RARB: variants seen among roughly 807,000 people sequenced by gnomAD.
RARB encodes the protein retinoic acid receptor beta, also known as HBV-activated protein.
In RARB, 17 loss-of-function variants were observed where a neutral mutation model predicts 51.9. That is an observed-to-expected ratio of 0.33 (90% CI 0.22 to 0.49). The LOEUF is 0.49. RARB is among the 20% of genes least tolerant of loss of function. The pLI is 0.99. For synonymous variants in RARB, 215 were observed against 195.4 expected, an observed-to-expected ratio of 1.10 and a Z score of -0.84; for missense variants, 369 against 550.8, an observed-to-expected ratio of 0.67 and a Z score of 3.30.
intron 3 of RARB, among the ~76,000 whole-genome samples, chr3:25,508,370 T>C (rs1422466587): frequency 6.6e-6 from 1 of 152,210 alleles, no homozygotes; most frequent in East Asian, 1.9e-4. Flanking sequence ...TGTTGCTCTG[T>C]GTTTCTCTCA....
At chr3:25,281,990 C>T (rs568992121) in intron 5 of RARB, among the ~76,000 whole-genome samples, 1 of 152,276 alleles carries the variant, frequency 6.6e-6, no homozygotes, top group Non-Finnish European at 1.5e-5. Flanking sequence ...ATTAATGAGG[C>T]ACTGTCTTTG....
Position 24,923,500 on chromosome 3 carries a change from C to CT in RARB, c.-380+64758dup, listed in dbSNP as rs541704020. On this transcript the variant is annotated intron_variant, in intron 2 of 11. Coordinates refer to the RARB transcript ENST00000383772. ...TATATAGGCACTCTTCTTTCTTTTT[C>CT]TTTTTTTTTTCTTTTCTATTTTGAA... Among the ~76,000 whole-genome samples the CT allele has an allele frequency of 9.0e-4, 135 of 149,226 alleles. 1 individual carries two copies. The South Asian group carries it at 9.2e-3, about 10-fold the overall frequency.
intron 3 of RARB, among the ~76,000 whole-genome samples, chr3:25,557,706 G>A (rs572099243): frequency 6.6e-6 from 1 of 152,102 alleles, no homozygotes; most frequent in African/African-American, 2.4e-5. Flanking sequence ...CTACTTCAGT[G>A]GTCCCTATAC....
rs571469873 is a variant in RARB, at chr3:25,057,224, A to G, written c.-379-2901A>G. 2.6e-5 allele frequency among the ~76,000 whole-genome samples: 4 copies of G among 152,086 alleles called. No homozygotes were observed. In the South Asian group the frequency reaches 8.3e-4, roughly 31 times the overall value. ...CACAAACCAGCCCGTGTTGGCAGTC[A>G]TAAGCCAGTCAGGAATAGAAACTTA... On this transcript the variant is annotated intron_variant, in intron 2 of 11. Coordinates refer to the RARB transcript ENST00000383772.
rs557064312 is a variant in RARB, at chr3:24,898,632, A to G, written c.-380+39880A>G. Reference sequence around the variant, plus strand: ...ATTTGGGGTGAATACTTTTTCTTCTACTTTTCTATTTTATATATCAATTGT... The same window carrying G: ...ATTTGGGGTGAATACTTTTTCTTCTGCTTTTCTATTTTATATATCAATTGT... On this transcript the variant is annotated intron_variant, in intron 2 of 11. Coordinates refer to the RARB transcript ENST00000383772. Among the ~76,000 whole-genome samples, 4 of 152,200 alleles carry G rather than the reference A, an allele frequency of 2.6e-5. No homozygotes were observed. The East Asian group carries it at 7.7e-4, about 29-fold the overall frequency.
At chr3:25,063,294 G>C (rs2125304739) in intron 3 of RARB, among the ~76,000 whole-genome samples, 1 of 152,048 alleles carries the variant, frequency 6.6e-6, no homozygotes, top group Non-Finnish European at 1.5e-5. Context: ...TGATTCTCTT[G>C]ATAAGAAAGG....
intron 5 of RARB, among the ~76,000 whole-genome samples, chr3:25,280,132 T>A (rs751525302): frequency 3.7e-4 from 56 of 152,146 alleles, no homozygotes; most frequent in Non-Finnish European, 4.4e-4. Flanking sequence ...AGTTGTGTAA[T>A]GTTGTGCTTA....
chr3:25,206,039 T>C (rs1559505227), intron 5 of RARB, among the ~76,000 whole-genome samples: 1 of 152,250 alleles, frequency 6.6e-6, no homozygotes, highest in African/African-American at 2.4e-5. Flanking sequence ...GCTTGGTAGA[T>C]TAGCTGTATG....
chr3:24,897,208 A>G (rs568498680), intron 2 of RARB, among the ~76,000 whole-genome samples: 2 of 152,284 alleles, frequency 1.3e-5, no homozygotes, highest in Admixed American at 1.3e-4. Context: ...CATAATTTCT[A>G]ACCTTAGGCG....
At chr3:25,208,378 A>G (rs992599947) in intron 5 of RARB, among the ~76,000 whole-genome samples, 1 of 152,206 alleles carries the variant, frequency 6.6e-6, no homozygotes, top group African/African-American at 2.4e-5. Context: ...AGACAGTAAA[A>G]TGCTGATTTC....
At chr3:25,306,423 A>T (rs535952328) in intron 5 of RARB, among the ~76,000 whole-genome samples, 2 of 152,292 alleles carry the variant, frequency 1.3e-5, no homozygotes, top group South Asian at 4.1e-4. Context: ...TTTTCTGTTT[A>T]CATGTAATGT....
chr3:25,581,886 C>T (rs1701192202), intron 5 of RARB, among the ~76,000 whole-genome samples: 1 of 152,098 alleles, frequency 6.6e-6, no homozygotes, highest in Admixed American at 6.5e-5. Flanking sequence ...GCCTCTAGAC[C>T]TAGGAGAAGC....
chr3:25,060,801 A>C (rs1390741711), intron 3 of RARB, among the ~76,000 whole-genome samples: 1 of 151,850 alleles, frequency 6.6e-6, no homozygotes, highest in Non-Finnish European at 1.5e-5. Flanking sequence ...TCATGAGTAG[A>C]GTGTGAGTAC....
intron 2 of RARB, among the ~76,000 whole-genome samples, chr3:24,878,238 TTGTA>T (rs1703086607): frequency 6.6e-6 from 1 of 151,852 alleles, no homozygotes. Context: ...TGTAGTTTCC[TTGTA>T]TGTCTCTTCC....
intron 2 of RARB, among the ~76,000 whole-genome samples, chr3:24,935,480 C>T (rs140360677): frequency 7.8e-4 from 119 of 152,206 alleles, no homozygotes; most frequent in African/African-American, 2.3e-3. Flanking sequence ...GTTGCTTCAA[C>T]CCTTGCTCAT....
chr3:24,913,306 A>T (rs1246526170), intron 2 of RARB, among the ~76,000 whole-genome samples: 1 of 151,416 alleles, frequency 6.6e-6, no homozygotes, highest in African/African-American at 2.4e-5. Flanking sequence ...TTCTTAACAG[A>T]GGGTTTTCCC....
At chr3:25,306,854 A>G (rs751591864) in intron 5 of RARB, among the ~76,000 whole-genome samples, 2 of 152,226 alleles carry the variant, frequency 1.3e-5, no homozygotes, top group Non-Finnish European at 2.9e-5. Flanking sequence ...ACTTCAAATC[A>G]GAAGTCATTT....
intron 4 of RARB, among the ~76,000 whole-genome samples, chr3:25,154,567 GCATATCT>G (rs967688167): frequency 6.6e-6 from 1 of 152,178 alleles, no homozygotes; most frequent in African/African-American, 2.4e-5. Context: ...AGTGGCCTTT[GCATATCT>G]CACAATGTCA....
intron 3 of RARB, among the ~76,000 whole-genome samples, chr3:25,517,053 T>C (rs551296968): frequency 6.6e-6 from 1 of 152,338 alleles, no homozygotes; most frequent in African/African-American, 2.4e-5. Context: ...TAATCCAGCA[T>C]TCGAAATTTA....
Sources: allele counts gnomAD v4.1 joint callset (sites outside exome capture counted in the v4.1 genomes callset), GRCh38; gene constraint gnomAD v4.1.1; transcripts MANE v1.5; gene names NCBI Gene and HGNC (gene_info 2026-07-23, HGNC 2026-07-21).